KLHL5: variants seen among roughly 807,000 people sequenced by gnomAD.
KLHL5 encodes kelch-like protein 5.
In KLHL5, 48 loss-of-function variants were observed where a neutral mutation model predicts 77.7. The observed-to-expected ratio is 0.62, with a 90% confidence interval of 0.49 to 0.79. The LOEUF (loss-of-function observed/expected upper bound fraction) is 0.79. Ranked by LOEUF, KLHL5 falls within the 30% of genes least tolerant of loss-of-function variation. The probability of loss-of-function intolerance (pLI) is 0.00; values close to 1 mark genes in which losing one functional copy is unlikely to be tolerated. For synonymous variants in KLHL5, 260 were observed against 297.0 expected (o/e 0.88, Z 1.28); for missense variants, 723 against 859.7 (o/e 0.84, Z 1.99).
At chr4:39,044,846 C>T (rs983446848), upstream of KLHL5, 73 of 625,888 alleles carry the variant, frequency 1.2e-4, no homozygotes, top group Admixed American at 2.5e-4. Context: ...CCTACCCCCA[C>T]CTACTCGCCC....
chr4:39,077,112 G>C (rs1283923288), intron 2 of KLHL5, among the ~76,000 whole-genome samples: 1 of 151,428 alleles, frequency 6.6e-6, no homozygotes, highest in Non-Finnish European at 1.5e-5. Context: ...GTGGGCTAAG[G>C]ACATGAATAG....
chr4:39,141,619 A>G, the KLHL5 span, among the ~76,000 whole-genome samples: 2 of 151,860 alleles, frequency 1.3e-5, no homozygotes, highest in Non-Finnish European at 2.9e-5. Context: ...CCTATTTTTT[A>G]GTCTTGAGAC....
chr4:39,132,033 G>T, the KLHL5 span, among the ~76,000 whole-genome samples: 1 of 152,314 alleles, frequency 6.6e-6, no homozygotes, highest in Non-Finnish European at 1.5e-5. Flanking sequence ...CAGGGGATGG[G>T]ATAGAGAACT....
chr4:39,059,697 G>A (rs367930107), upstream of KLHL5, among the ~76,000 whole-genome samples: 6 of 152,116 alleles, frequency 3.9e-5, no homozygotes, highest in Non-Finnish European at 7.4e-5. Context: ...GCAGTGAGCC[G>A]GGATCACGCC....
rs578046398 is a variant in KLHL5 at position 39,107,542 on chromosome 4, C to T, written c.1526-27C>T. 7 of 1,548,028 alleles carry T rather than the reference C, an allele frequency of 4.5e-6. No individual in the cohort carries two copies. The East Asian group carries it at 6.8e-5, about 15-fold the overall frequency. On this transcript the variant is annotated intron_variant, in intron 7 of 10. Transcript: ENST00000504108. ...TTTAAGACAGCAGCCAATCTGAAGTCGTTAATTGTTTCCTGTCTCCTCATA... is the reference window on the plus strand; with the variant it reads ...TTTAAGACAGCAGCCAATCTGAAGTTGTTAATTGTTTCCTGTCTCCTCATA...
chr4:39,053,807 C>T (rs1489208112), intron 1 of KLHL5, among the ~76,000 whole-genome samples: 2 of 152,124 alleles, frequency 1.3e-5, no homozygotes, highest in South Asian at 2.1e-4. Flanking sequence ...ATGTCCCTTG[C>T]TTTACTACCA....
intron 2 of KLHL5, 117 bp downstream of exon 2, chr4:39,076,264 G>T: frequency 1.2e-6 from 1 of 841,192 alleles, no homozygotes; most frequent in Non-Finnish European, 1.8e-6. Flanking sequence ...TGTAGTTCAT[G>T]GAATTTCCAT....
rs370069210 is a variant in KLHL5 at position 39,122,210 on chromosome 4, T to C, written c.*1144T>C. 6.6e-6 allele frequency: 1 copy of C among 152,434 alleles called. No homozygotes were observed. The allele number at this position is 152,434 out of a possible 1,614,324, so 9.4% of individuals were successfully genotyped here. On this transcript the variant is annotated 3_prime_UTR_variant, in exon 11 of 11. Transcript: ENST00000504108. ...GATAAATCCTATAAGATATAAGTCA[T>C]TGAGATGTCTAAGATGCTTTTTATT...
intron 5 of KLHL5, chr4:39,093,408 T>A (rs1460991936): frequency 6.6e-6 from 3 of 455,876 alleles, no homozygotes; most frequent in African/African-American, 2.0e-5. Context: ...GTTTCAAAAC[T>A]GTTTTATGGT....
chr4:39,138,317 G>C, the KLHL5 span, among the ~76,000 whole-genome samples: 1 of 152,136 alleles, frequency 6.6e-6, no homozygotes, highest in Admixed American at 6.5e-5. Context: ...GTTCATCGCA[G>C]CACTATTCAC....
chr4:39,133,338 A>C, the KLHL5 span, among the ~76,000 whole-genome samples: 145 of 152,278 alleles, frequency 9.5e-4, 1 homozygote, highest in African/African-American at 3.2e-3. Context: ...GTACATTCAT[A>C]TAATAACCTG....
downstream of KLHL5, among the ~76,000 whole-genome samples, chr4:39,131,190 G>A (rs1472024561): frequency 6.6e-6 from 1 of 151,888 alleles, no homozygotes; most frequent in Admixed American, 6.6e-5. Context: ...AAAGTTCCCT[G>A]AAGACAACTA....
At chr4:39,112,595 AC>A (rs1430809388) in intron 8 of KLHL5, 1 of 181,008 alleles carries the variant, frequency 5.5e-6, no homozygotes, top group East Asian at 1.5e-4. Flanking sequence ...GAAGTGCCTA[AC>A]CTATGGTAGG....
At chr4:39,060,024 A>C (rs1194449644), upstream of KLHL5, among the ~76,000 whole-genome samples, 2 of 152,222 alleles carry the variant, frequency 1.3e-5, no homozygotes, top group African/African-American at 4.8e-5. Flanking sequence ...CAAAAACCCA[A>C]AAACCTGAAA....
chr4:39,098,135 CAA>C (rs571749349), intron 6 of KLHL5, among the ~76,000 whole-genome samples: 23 of 70,766 alleles, frequency 3.3e-4, no homozygotes, highest in Admixed American at 8.0e-4. Flanking sequence ...GAATCCATCT[CAA>C]AAAAAAAAAA....
At chr4:39,084,167 G>T (rs1160185801) in intron 4 of KLHL5, among the ~76,000 whole-genome samples, 1 of 152,142 alleles carries the variant, frequency 6.6e-6, no homozygotes, top group Non-Finnish European at 1.5e-5. Flanking sequence ...TTATAATATG[G>T]ATTTAAAATG....
At chr4:39,075,721 A>C (rs1376766650) in intron 1 of KLHL5, among the ~76,000 whole-genome samples, 1 of 152,224 alleles carries the variant, frequency 6.6e-6, no homozygotes, top group African/African-American at 2.4e-5. Context: ...ACAAAAAGAT[A>C]CTACAAAGAA....
chr4:39,078,556 G>A (rs889498161), intron 2 of KLHL5, among the ~76,000 whole-genome samples: 2 of 152,040 alleles, frequency 1.3e-5, no homozygotes, highest in African/African-American at 4.8e-5. Flanking sequence ...CTAGCCAGGC[G>A]TGGTGGCGTG....
At chr4:39,118,059 T>TA (rs35309110) in intron 10 of KLHL5, among the ~76,000 whole-genome samples, 67,379 of 125,908 alleles carry the variant, frequency 0.54, 17,628 homozygotes, top group Non-Finnish European at 0.6. Flanking sequence ...AGACTCCATC[T>TA]AAAAAAAAAA....
Sources: gnomAD v4.1 joint callset for allele counts (sites outside exome capture counted in the v4.1 genomes callset) on GRCh38, gnomAD v4.1.1 for gene constraint, MANE v1.5 for transcripts, NCBI Gene and HGNC (gene_info 2026-07-23, HGNC 2026-07-21) for gene names.